Variants in L3MBTL4 observed in about 807,000 individuals in gnomAD.
L3MBTL4 encodes the protein L3MBTL histone methyl-lysine binding protein 4.
In L3MBTL4, 70 loss-of-function variants were observed where a neutral mutation model predicts 84.5. The observed-to-expected ratio is 0.83, with a 90% CI of 0.68 to 1.01. The LOEUF (loss-of-function observed/expected upper bound fraction) is 1.01, where lower values mean the gene tolerates loss of function less well. L3MBTL4 is among the 50% of genes least tolerant of loss of function. The probability of loss-of-function intolerance (pLI) is 0.00; values close to 1 mark genes in which losing one functional copy is unlikely to be tolerated. For missense variants in L3MBTL4, 715 were observed against 754.8 expected, an observed-to-expected ratio of 0.95 and a Z score of 0.62; for synonymous variants, 274 against 259.8, an observed-to-expected ratio of 1.05 and a Z score of -0.52.
At chr18:5,958,142 G>C (rs552340229) in intron 18 of L3MBTL4, among the ~76,000 whole-genome samples, 1,087 of 61,164 alleles carry the variant, frequency 0.018, 21 homozygotes, top group South Asian at 0.064. Context: ...AGAAGAAGAA[G>C]AAGAAGAAGA....
intron 10 of L3MBTL4, among the ~76,000 whole-genome samples, chr18:6,225,756 A>AT (rs2046756414): frequency 6.6e-6 from 1 of 151,380 alleles, no homozygotes; most frequent in Admixed American, 6.6e-5. Flanking sequence ...AAAAAAAAAA[A>AT]TTAAGGGGAA....
intron 14 of L3MBTL4, among the ~76,000 whole-genome samples, chr18:6,101,855 C>T (rs781707665): frequency 6.6e-6 from 1 of 152,106 alleles, no homozygotes; most frequent in African/African-American, 2.4e-5. Context: ...TTCTTTCTTC[C>T]TTTCCTTCCA....
At chr18:6,174,267 CAA>C (rs1345936114) in intron 12 of L3MBTL4, among the ~76,000 whole-genome samples, 5 of 151,812 alleles carry the variant, frequency 3.3e-5, no homozygotes, top group Non-Finnish European at 7.4e-5. Context: ...AAGAAGTGGT[CAA>C]CAGAAATAGA....
intron 12 of L3MBTL4, among the ~76,000 whole-genome samples, chr18:6,197,173 T>C (rs1165901772): frequency 1.3e-5 from 2 of 152,214 alleles, no homozygotes; most frequent in African/African-American, 4.8e-5. Context: ...TAAGTAAACG[T>C]GTGCCATGGT....
chr18:6,215,614 G>T (rs762309277), intron 11 of L3MBTL4, 136 bp downstream of exon 11: 1 of 469,622 alleles, frequency 2.1e-6, no homozygotes, highest in East Asian at 3.3e-5. Flanking sequence ...TTAACTAAAA[G>T]AAAAGCATAT....
intron 1 of L3MBTL4, among the ~76,000 whole-genome samples, chr18:6,324,889 C>A (rs945456449): frequency 6.6e-6 from 1 of 152,114 alleles, no homozygotes; most frequent in Non-Finnish European, 1.5e-5. Flanking sequence ...GCACTTCACA[C>A]CAAAATTTAT....
At chr18:6,281,882 G>A (rs774519978) in intron 4 of L3MBTL4, among the ~76,000 whole-genome samples, 20 of 152,104 alleles carry the variant, frequency 1.3e-4, no homozygotes, top group Non-Finnish European at 2.5e-4. Context: ...TTTAAAAACT[G>A]GCTTTAGATA....
At chr18:6,073,692 A>T (rs1430320812) in intron 16 of L3MBTL4, among the ~76,000 whole-genome samples, 3 of 152,244 alleles carry the variant, frequency 2.0e-5, no homozygotes, top group Non-Finnish European at 4.4e-5. Flanking sequence ...AGCTGAAGCC[A>T]TGCAAACTGA....
At chr18:6,198,679 C>T (rs1254019487) in intron 12 of L3MBTL4, among the ~76,000 whole-genome samples, 1 of 152,126 alleles carries the variant, frequency 6.6e-6, no homozygotes, top group Non-Finnish European at 1.5e-5. Flanking sequence ...GAGGAAATGA[C>T]CATGTGTCAT....
intron 11 of L3MBTL4, among the ~76,000 whole-genome samples, chr18:6,214,466 A>G (rs559269580): frequency 6.6e-6 from 1 of 152,246 alleles, no homozygotes; most frequent in Admixed American, 6.5e-5. Context: ...ATTACACATA[A>G]AAGTGTTCAA....
At chr18:6,015,860 T>G (rs1364415610) in intron 16 of L3MBTL4, among the ~76,000 whole-genome samples, 1 of 152,154 alleles carries the variant, frequency 6.6e-6, no homozygotes, top group African/African-American at 2.4e-5. Context: ...CTCAGGAGGC[T>G]GAGGCAGGAG....
intron 16 of L3MBTL4, among the ~76,000 whole-genome samples, chr18:6,057,618 T>A (rs181533997): frequency 1.3e-5 from 2 of 151,626 alleles, no homozygotes; most frequent in East Asian, 3.9e-4. Context: ...AACTTGGCAG[T>A]CAAAATGTGA....
At chr18:6,138,159 C>T (rs2144637296) in intron 14 of L3MBTL4, 35 bp downstream of exon 14, 1 of 1,406,152 alleles carries the variant, frequency 7.1e-7, no homozygotes, top group Non-Finnish European at 1.0e-6. Flanking sequence ...TGTTTCCATT[C>T]ATCCAGGAAA....
intron 16 of L3MBTL4, among the ~76,000 whole-genome samples, chr18:6,054,454 G>T (rs886366452): frequency 2.6e-5 from 4 of 152,076 alleles, no homozygotes; most frequent in African/African-American, 9.7e-5. Context: ...CCCTCCAGGG[G>T]TTTACCACAC....
At chr18:6,004,378 G>A (rs1173352707) in intron 16 of L3MBTL4, among the ~76,000 whole-genome samples, 1 of 152,162 alleles carries the variant, frequency 6.6e-6, no homozygotes, top group Non-Finnish European at 1.5e-5. Flanking sequence ...GATTGAGTCA[G>A]TAATCAACAC....
intron 1 of L3MBTL4, among the ~76,000 whole-genome samples, chr18:6,382,408 T>G (rs2049051735): frequency 6.6e-6 from 1 of 152,148 alleles, no homozygotes; most frequent in South Asian, 2.1e-4. Context: ...GGGGAAGAGA[T>G]GTTCTAGTTT....
intron 14 of L3MBTL4, among the ~76,000 whole-genome samples, chr18:6,123,025 A>G (rs1341238633): frequency 6.6e-6 from 1 of 152,060 alleles, no homozygotes; most frequent in Admixed American, 6.5e-5. Flanking sequence ...AAAAGATTAT[A>G]TTTTCTTTTT....
chr18:6,039,703 T>C lies in L3MBTL4; in HGVS notation c.1444+41178A>G, dbSNP rs143955278. Among the ~76,000 whole-genome samples the C allele has an allele frequency of 1.2e-3, 186 of 152,334 alleles. 3 individuals are homozygous for C. Among genetic ancestry groups the C allele is most frequent in the African/African-American group, 4.4e-3 (182 of 41,568 alleles). On this transcript the variant is annotated intron_variant, in intron 16 of 18. Coordinates refer to ENST00000317931, the MANE Select transcript of L3MBTL4 (RefSeq NM_001330559.2). ...GTGACACTTGACCAGCGTGGTTATC[T>C]CAAAGTCCCTTCATGCTGGGTAAGC...
At chr18:6,059,347 A>C (rs941310763) in intron 16 of L3MBTL4, among the ~76,000 whole-genome samples, 8 of 152,346 alleles carry the variant, frequency 5.3e-5, no homozygotes, top group South Asian at 4.1e-4. Flanking sequence ...GTATTAAAGC[A>C]GGTTTATTTT....
Sources: allele counts gnomAD v4.1 joint callset (sites outside exome capture counted in the v4.1 genomes callset), GRCh38; gene constraint gnomAD v4.1.1; transcripts MANE v1.5; gene names NCBI Gene and HGNC (gene_info 2026-07-23, HGNC 2026-07-21).